Variants in DYNC1I1 observed in about 807,000 individuals in gnomAD.
DYNC1I1 encodes dynein cytoplasmic 1 intermediate chain 1.
DYNC1I1 carries 43 observed loss-of-function variants against 86.6 expected under a neutral mutation model. The observed-to-expected ratio is 0.50, with a 90% CI of 0.39 to 0.64. The LOEUF (loss-of-function observed/expected upper bound fraction) is 0.64. DYNC1I1 is among the 30% of genes least tolerant of loss of function. DYNC1I1 has a pLI of 0.00. For synonymous variants in DYNC1I1, 262 were observed against 283.7 expected (o/e 0.92, Z 0.77); for missense variants, 604 against 788.8 (o/e 0.77, Z 2.81).
At chr7:95,785,281 G>C (rs1794099811) in intron 1 of DYNC1I1, among the ~76,000 whole-genome samples, 1 of 152,098 alleles carries the variant, frequency 6.6e-6, no homozygotes, top group African/African-American at 2.4e-5. Context: ...AGGCATGGTG[G>C]TGCGCATCTG....
intron 15 of DYNC1I1, among the ~76,000 whole-genome samples, chr7:96,076,879 A>T (rs1356937294): frequency 6.6e-6 from 1 of 152,236 alleles, no homozygotes; most frequent in Non-Finnish European, 1.5e-5. Flanking sequence ...TACTGTTTTT[A>T]AATTATGCTA....
intron 6 of DYNC1I1, among the ~76,000 whole-genome samples, chr7:95,965,182 G>A (rs371929183): frequency 3.2e-4 from 48 of 152,328 alleles, no homozygotes; most frequent in African/African-American, 1.1e-3. Context: ...AAAGAAGCTG[G>A]AGTCAGTTTG....
At chr7:95,942,142 A>T (rs1792243826) in intron 6 of DYNC1I1, among the ~76,000 whole-genome samples, 1 of 152,238 alleles carries the variant, frequency 6.6e-6, no homozygotes, top group African/African-American at 2.4e-5. Context: ...AATAAAGAAG[A>T]AAAGAGAGAA....
At chr7:95,821,921 T>G (rs1309069934) in intron 4 of DYNC1I1, among the ~76,000 whole-genome samples, 2 of 152,190 alleles carry the variant, frequency 1.3e-5, no homozygotes, top group Non-Finnish European at 2.9e-5. Flanking sequence ...TCCAAATATT[T>G]ATTGAACATC....
intron 6 of DYNC1I1, among the ~76,000 whole-genome samples, chr7:95,956,991 T>A (rs1368879710): frequency 6.6e-6 from 1 of 152,248 alleles, no homozygotes; most frequent in South Asian, 2.1e-4. Context: ...CTGGTAGTTG[T>A]GTAGCCCTGG....
At chr7:96,103,031 T>TC (rs1255387051), downstream of DYNC1I1, among the ~76,000 whole-genome samples, 1 of 152,100 alleles carries the variant, frequency 6.6e-6, no homozygotes, top group African/African-American at 2.4e-5. Context: ...ACCAGAAGGC[T>TC]CTGAACATAA....
At chr7:96,011,033 G>C (rs999820178) in intron 10 of DYNC1I1, among the ~76,000 whole-genome samples, 1 of 152,166 alleles carries the variant, frequency 6.6e-6, no homozygotes, top group Non-Finnish European at 1.5e-5. Flanking sequence ...TTCCTGGCCT[G>C]ATTGCCTCGG....
chr7:95,879,594 T>C (rs1281310792), intron 6 of DYNC1I1, among the ~76,000 whole-genome samples: 2 of 152,092 alleles, frequency 1.3e-5, no homozygotes, highest in Non-Finnish European at 2.9e-5. Flanking sequence ...TCATAACAAA[T>C]AACTAGTCAA....
At chr7:96,080,528 T>G in intron 16 of DYNC1I1, 40 bp downstream of exon 16, 1 of 1,614,098 alleles carries the variant, frequency 6.2e-7, no homozygotes, top group Non-Finnish European at 8.5e-7. Flanking sequence ...TTTTGACTTG[T>G]GTATCTACTT....
At chr7:95,867,010 T>C (rs1790032661) in intron 5 of DYNC1I1, among the ~76,000 whole-genome samples, 1 of 152,186 alleles carries the variant, frequency 6.6e-6, no homozygotes, top group Admixed American at 6.5e-5. Context: ...ATAAACACAC[T>C]TACTCCACCT....
chr7:95,799,147 G>A (rs950482766), intron 1 of DYNC1I1, among the ~76,000 whole-genome samples: 1 of 152,126 alleles, frequency 6.6e-6, no homozygotes, highest in Non-Finnish European at 1.5e-5. Flanking sequence ...GAAGGCCCAG[G>A]TAGGAGGATT....
In DYNC1I1 at chr7:95,841,622, A is replaced by G. The variant is rs182324025; in HGVS notation, c.374+13506A>G. Among the ~76,000 whole-genome samples, 63 of 152,208 alleles carry G rather than the reference A, an allele frequency of 4.1e-4. 1 individual carries two copies. The Middle Eastern group carries it at 0.01, about 25-fold the overall frequency. On this transcript the variant is annotated intron_variant, in intron 5 of 16. Transcript: ENST00000447467. Reference sequence around the variant, plus strand: ...ATCAGAGCATTTGTTGTGTAGTCCAACTCCTTCCAGGAAGAAGCTAAAGGT... The same window carrying G: ...ATCAGAGCATTTGTTGTGTAGTCCAGCTCCTTCCAGGAAGAAGCTAAAGGT...
At chr7:95,788,396 C>T (rs1483617837) in intron 1 of DYNC1I1, among the ~76,000 whole-genome samples, 1 of 152,066 alleles carries the variant, frequency 6.6e-6, no homozygotes, top group Non-Finnish European at 1.5e-5. Flanking sequence ...AGAGATGGCT[C>T]CAAGACTTTT....
At chr7:95,855,645 C>A (rs144119109) in intron 5 of DYNC1I1, among the ~76,000 whole-genome samples, 2 of 152,070 alleles carry the variant, frequency 1.3e-5, no homozygotes, top group Admixed American at 6.6e-5. Flanking sequence ...TGCTCCTAGG[C>A]GGTAAGGTAT....
At chr7:95,937,242 T>A (rs750716569) in intron 6 of DYNC1I1, among the ~76,000 whole-genome samples, 1 of 152,020 alleles carries the variant, frequency 6.6e-6, no homozygotes, top group Non-Finnish European at 1.5e-5. Flanking sequence ...AGAGCTCTAA[T>A]GTGCACCATA....
intron 8 of DYNC1I1, among the ~76,000 whole-genome samples, chr7:95,986,161 G>A (rs1793588080): frequency 6.6e-6 from 1 of 151,988 alleles, no homozygotes. Context: ...CTTGTTGGAA[G>A]CCAGGTCACC....
At chr7:95,983,617 C>T (rs910961365) in intron 7 of DYNC1I1, among the ~76,000 whole-genome samples, 1 of 152,088 alleles carries the variant, frequency 6.6e-6, no homozygotes, top group Non-Finnish European at 1.5e-5. Context: ...TCTTAGGCTT[C>T]AAGATACAAT....
At chr7:95,990,327 A>G (rs143035240) in intron 9 of DYNC1I1, among the ~76,000 whole-genome samples, 38 of 152,306 alleles carry the variant, frequency 2.5e-4, no homozygotes, top group Non-Finnish European at 5.0e-4. Context: ...TCTCACATGT[A>G]CATTGCATCT....
chr7:96,028,066 G>T, intron 10 of DYNC1I1, 109 bp from the exon 11 acceptor site: 13 of 1,416,030 alleles, frequency 9.2e-6, no homozygotes, highest in Admixed American at 6.5e-5. Context: ...TTATTTTTTT[G>T]TTTTCCAGGA....
Sources: allele counts gnomAD v4.1 joint callset (sites outside exome capture counted in the v4.1 genomes callset), GRCh38; gene constraint gnomAD v4.1.1; transcripts MANE v1.5; gene names NCBI Gene and HGNC (gene_info 2026-07-23, HGNC 2026-07-21).